The following CHORDC1 variants were observed in gnomAD, a reference collection of about 807,000 sequenced individuals.
CHORDC1 encodes cysteine and histidine-rich domain-containing protein 1.
CHORDC1 carries 25 observed loss-of-function variants against 48.3 expected under a neutral mutation model. That is an observed-to-expected ratio of 0.52 (90% CI 0.38 to 0.72). CHORDC1 has a LOEUF of 0.72. Ranked by LOEUF, CHORDC1 falls within the 30% of genes least tolerant of loss-of-function variation. The pLI is 0.00. For missense variants in CHORDC1, 317 were observed against 388.7 expected (o/e 0.82, Z 1.55); for synonymous variants, 128 against 126.4 (o/e 1.01, Z -0.09).
In CHORDC1 at chr11:90,210,747, A is replaced by G. The variant is rs1054281402; in HGVS notation, c.434-153T>C. On this transcript the variant is annotated intron_variant, in intron 5 of 10. Transcript: ENST00000320585. ...ATATCCCCAAATTGATATATGACAC[A>G]TTTCTTCTTCTTTTGAGGACCTGGT... The G allele has an allele frequency of 1.0e-5, 6 of 594,172 alleles. No homozygotes were observed. In the African/African-American group the frequency reaches 1.1e-4, roughly 11 times the overall value. The allele number at this position is 594,172 out of a possible 1,614,324, so 36.8% of individuals were successfully genotyped here.
Position 90,211,199 on chromosome 11 carries a change from CAA to C in CHORDC1, c.433+14_433+15del. ...TACCAGAAAATAATTAACAATAAAA[CAA>C]AATAAAATCTTACCTTTCTTATTTT... On this transcript the variant is annotated intron_variant, in intron 5 of 10. Transcript: ENST00000320585. 1 of 1,497,616 alleles carries C rather than the reference CAA, an allele frequency of 6.7e-7. No individual in the cohort carries two copies. The allele number at this position is 1,497,616 out of a possible 1,614,324, so 92.8% of individuals were successfully genotyped here.
intron 6 of CHORDC1, among the ~76,000 whole-genome samples, chr11:90,209,944 CCAT>C (rs904972217): frequency 1.3e-5 from 2 of 152,144 alleles, no homozygotes; most frequent in Non-Finnish European, 2.9e-5. Flanking sequence ...AAAAGAACCA[CCAT>C]AATTCTGTCT....
rs1229559989 is a variant in CHORDC1 at position 90,202,840 on chromosome 11, T to C, written c.825A>G (p.Glu275=). 2 of 1,601,842 alleles carry C rather than the reference T, an allele frequency of 1.2e-6. No homozygotes were observed. Among genetic ancestry groups the C allele is most frequent in the South Asian group, 1.1e-5 (1 of 88,622 alleles). ...NVHIVFEGEK[E]FDQNVKLWGV... The stretch of plus-strand genomic sequence containing the variant: ...CCCATAATTTCACATTTTGATCAAA[T>C]TCCTTCTCTCCTTCAAATACAATAT... The change falls in exon 10 of 11, where the codon GAA becomes GAG. Residue 275 remains glutamate, a synonymous_variant. Transcript: ENST00000320585.
In CHORDC1 at chr11:90,215,193, G is replaced by GA; in HGVS notation, c.151dup (p.Ser51PhefsTer2). The GA allele has an allele frequency of 1.3e-6, 2 of 1,555,630 alleles. No individual in the cohort carries two copies. The highest frequency in any genetic ancestry group is 1.7e-6 in the Non-Finnish European group (2 of 1,144,072). On this transcript the variant is annotated frameshift_variant, in exon 3 of 11. Coordinates refer to ENST00000320585, the MANE Select transcript of CHORDC1 (RefSeq NM_012124.3). LOFTEE classifies it high-confidence loss of function. The stretch of plus-strand genomic sequence containing the variant: ...ACTTACTACAATGCTTAAGAAATCA[G>GA]AAAAATCAGTTGTTCTTCTCTTACA...
chr11:90,213,895 G>A (rs1820044003), intron 4 of CHORDC1, 123 bp downstream of exon 4: 1 of 812,586 alleles, frequency 1.2e-6, no homozygotes, highest in Non-Finnish European at 1.9e-6. Context: ...AAACCAAATG[G>A]TTCAAAGCTT....
Position 90,203,331 on chromosome 11 carries a change from G to T in CHORDC1, c.766C>A (p.Arg256=), listed in dbSNP as rs753518275. ...ACCAATGTGCTATTTGCTTCTACTC[G>T]GCTAAGTTCTGGAAGTGAGTTTTTA... ...YAKNSLPELS[R]VEANSTLLNV... The change falls in exon 9 of 11, where the codon CGA becomes AGA. Residue 256 remains arginine (R), a synonymous_variant. Transcript: ENST00000320585. The T allele has an allele frequency of 6.3e-7, 1 of 1,594,124 alleles. No homozygotes were observed.
Position 90,214,070 on chromosome 11 carries a change from G to T in CHORDC1, c.277C>A (p.Gln93Lys), listed in dbSNP as rs1352664981. 6.2e-7 allele frequency: 1 copy of T among 1,613,478 alleles called. No individual in the cohort carries two copies. Among genetic ancestry groups the T allele is most frequent in the South Asian group, 1.1e-5 (1 of 91,048 alleles). ...TTAGGGGCTTGAATGATGTGTTCCT[G>T]AAATTTGGGTTTTAATTCACATAGC... Reference protein sequence around the residue: ...KELCELKPKFQEHIIQAPKPV... With the variant: ...KELCELKPKFKEHIIQAPKPV... The change falls in exon 4 of 11, where the codon CAG becomes AAG. Residue 93 changes from glutamine to lysine, a missense_variant. Coordinates refer to ENST00000320585, the MANE Select transcript of CHORDC1 (RefSeq NM_012124.3).
At chr11:90,209,356 A>G (rs1857794689) in intron 6 of CHORDC1, 3 of 152,166 alleles carry the variant, frequency 2.0e-5, no homozygotes, top group Non-Finnish European at 4.4e-5. Context: ...CTTTGCTTAC[A>G]ATGTGGTTAT....
chr11:90,206,463 G>C, intron 6 of CHORDC1, 191 bp from the exon 7 acceptor site: 1 of 503,158 alleles, frequency 2.0e-6, no homozygotes, highest in Non-Finnish European at 3.6e-6. Context: ...ACTTGGTTAA[G>C]TTTTAGGTTC....
chr11:90,207,123 T>C (rs1263256713), intron 6 of CHORDC1: 1 of 206,996 alleles, frequency 4.8e-6, no homozygotes. Context: ...CTCTTCAGCA[T>C]CTCCTCTCCC....
chr11:90,218,808 C>T (rs888007559), intron 1 of CHORDC1, among the ~76,000 whole-genome samples: 5 of 151,946 alleles, frequency 3.3e-5, no homozygotes, highest in Non-Finnish European at 4.4e-5. Context: ...CTGAGGAGTG[C>T]CTCTGCCTGG....
In CHORDC1 at chr11:90,201,489, A is replaced by G. The variant is rs535705113; in HGVS notation, c.*916T>C. The G allele has an allele frequency of 3.9e-5, 6 of 152,290 alleles. No homozygotes were observed. The South Asian group carries it at 1.2e-3, about 32-fold the overall frequency. 9.4% of individuals were successfully genotyped at this position (152,290 alleles called of 1,614,324 possible). ...TTTATTTAACATGTAATAGTCATAA[A>G]GCAACTCCATATATTTAGTTTTCTG... On this transcript the variant is annotated 3_prime_UTR_variant, in exon 11 of 11. Coordinates refer to ENST00000320585, the MANE Select transcript of CHORDC1 (RefSeq NM_012124.3).
At chr11:90,219,095 G>A (rs1471340993) in intron 1 of CHORDC1, among the ~76,000 whole-genome samples, 5 of 151,966 alleles carry the variant, frequency 3.3e-5, no homozygotes, top group East Asian at 1.9e-4. Flanking sequence ...GTGAAACCCC[G>A]TGTCTACTAA....
At chr11:90,205,420 A>C (rs202069648) in intron 8 of CHORDC1, 40 bp downstream of exon 8, 22 of 1,108,496 alleles carry the variant, frequency 2.0e-5, no homozygotes, top group Non-Finnish European at 2.6e-5. Flanking sequence ...GACTCAGATG[A>C]ATATAAACCC....
At chr11:90,212,320 CA>C (rs1404722172) in intron 4 of CHORDC1, 1 of 152,126 alleles carries the variant, frequency 6.6e-6, no homozygotes. Flanking sequence ...TGCCTGCCAC[CA>C]TGTAAAACAT....
At chr11:90,202,718 A>G in intron 10 of CHORDC1, 95 bp downstream of exon 10, 1 of 1,432,370 alleles carries the variant, frequency 7.0e-7, no homozygotes, top group South Asian at 1.3e-5. Context: ...TTATACATCT[A>G]TACTTTGCAT....
chr11:90,215,600 T>G (rs1216707374), intron 2 of CHORDC1, among the ~76,000 whole-genome samples: 1 of 150,532 alleles, frequency 6.6e-6, no homozygotes, highest in African/African-American at 2.4e-5. Context: ...GTATTTTACT[T>G]TTAAAATCTA....
chr11:90,206,705 T>C (rs1388049961), intron 6 of CHORDC1: 1 of 909,682 alleles, frequency 1.1e-6, no homozygotes, highest in Non-Finnish European at 1.5e-6. Flanking sequence ...TCTAGAGTGA[T>C]GGTGATTTCT....
intron 8 of CHORDC1, 64 bp downstream of exon 8, chr11:90,205,396 A>G: frequency 1.4e-5 from 14 of 1,032,370 alleles, no homozygotes; most frequent in Admixed American, 2.2e-5. Flanking sequence ...AATAATTTCA[A>G]ATCTTTAAAA....
Sources: gnomAD v4.1 joint callset for allele counts (sites outside exome capture counted in the v4.1 genomes callset) on GRCh38, gnomAD v4.1.1 for gene constraint, MANE v1.5 for transcripts, NCBI Gene and HGNC (gene_info 2026-07-23, HGNC 2026-07-21) for gene names.